PAK3: variants seen among roughly 807,000 people sequenced by gnomAD.
PAK3 encodes the protein p21 (RAC1) activated kinase 3, also known as serine/threonine-protein kinase PAK 3.
In PAK3, 4 loss-of-function variants were observed where a neutral mutation model predicts 41.0. The observed-to-expected ratio is 0.10, with a 90% CI of 0.05 to 0.22. The LOEUF (loss-of-function observed/expected upper bound fraction) is 0.22. PAK3 is among the 10% of genes least tolerant of loss of function. The pLI, the probability that PAK3 is intolerant of heterozygous loss-of-function variation, is 1.00. For missense variants in PAK3, 205 were observed against 409.9 expected, an observed-to-expected ratio of 0.50 and a Z score of 4.32; for synonymous variants, 146 against 139.6, an observed-to-expected ratio of 1.05 and a Z score of -0.32.
intron 1 of PAK3, among the ~76,000 whole-genome samples, chrX:110,999,675 TAA>T (rs777940539): frequency 3.8e-4 from 26 of 68,103 alleles, no homozygotes; most frequent in Admixed American, 5.0e-4. Flanking sequence ...TTTATAAAAG[TAA>T]AAAAAAAAAA....
At chrX:111,076,232 G>A (rs1477109034) in intron 1 of PAK3, among the ~76,000 whole-genome samples, 1 of 111,058 alleles carries the variant, frequency 9.0e-6, no homozygotes, top group Admixed American at 9.5e-5. Flanking sequence ...GAGGGGCCAG[G>A]GGCAGAATTA....
chrX:111,067,389 T>G (rs961670726), intron 1 of PAK3, among the ~76,000 whole-genome samples: 28 of 111,847 alleles, frequency 2.5e-4, no homozygotes, highest in Non-Finnish European at 4.7e-4. Context: ...TTTTCTCATT[T>G]TTTGTGGATG....
At chrX:111,167,316 A>T (rs920108873) in intron 10 of PAK3, among the ~76,000 whole-genome samples, 2 of 110,883 alleles carry the variant, frequency 1.8e-5, no homozygotes, top group Non-Finnish European at 3.8e-5. Flanking sequence ...AAAAAGGGAA[A>T]CAGGCAGGCA....
intron 16 of PAK3, among the ~76,000 whole-genome samples, chrX:111,215,541 A>AG (rs2094870136): frequency 9.0e-6 from 1 of 111,306 alleles, no homozygotes; most frequent in African/African-American, 3.3e-5. Flanking sequence ...TCCGTCTCAA[A>AG]AAAAAAACCT....
Position 111,047,960 on chromosome X carries a change from C to G in PAK3, c.-27-75117C>G, listed in dbSNP as rs765798916. On this transcript the variant is annotated intron_variant, in intron 1 of 14. Coordinates refer to the PAK3 transcript ENST00000425146. ...GGCTGCATACTCTCTTTCTATTTCT[C>G]TACAGCCCTGATAGCACACTGTCTA... 7.2e-5 allele frequency among the ~76,000 whole-genome samples: 8 copies of G among 111,716 alleles called. No individual in the cohort carries two copies. The East Asian group carries it at 2.3e-3, about 32-fold the overall frequency.
chrX:111,172,199 G>A (rs1444738652), intron 10 of PAK3, among the ~76,000 whole-genome samples: 7 of 107,078 alleles, frequency 6.5e-5, no homozygotes, highest in Non-Finnish European at 1.1e-4. Flanking sequence ...GTGTACAAGG[G>A]TTCCAATTGC....
intron 1 of PAK3, among the ~76,000 whole-genome samples, chrX:111,055,360 T>C (rs1195872503): frequency 8.9e-6 from 1 of 112,011 alleles, no homozygotes; most frequent in Non-Finnish European, 1.9e-5. Flanking sequence ...CTGACAAGAC[T>C]AGGTCCACAT....
intron 11 of PAK3, among the ~76,000 whole-genome samples, chrX:111,175,854 GTC>G (rs913334236): frequency 8.1e-5 from 9 of 111,729 alleles, no homozygotes; most frequent in Admixed American, 5.7e-4. Flanking sequence ...CTATCTCTGA[GTC>G]TCTTTGTACA....
At chrX:110,998,954 G>A (rs975344395) in intron 1 of PAK3, among the ~76,000 whole-genome samples, 2 of 111,851 alleles carry the variant, frequency 1.8e-5, no homozygotes, top group South Asian at 7.6e-4. Flanking sequence ...AGGCCCAGAC[G>A]GCTTGTGAAT....
chrX:110,972,065 C>T (rs751128278), intron 1 of PAK3, among the ~76,000 whole-genome samples: 2 of 111,232 alleles, frequency 1.8e-5, no homozygotes, highest in Non-Finnish European at 3.8e-5. Context: ...TGTATATATA[C>T]ACACATATAT....
chrX:111,044,009 T>C (rs2092475122), intron 1 of PAK3, among the ~76,000 whole-genome samples: 1 of 112,341 alleles, frequency 8.9e-6, no homozygotes, highest in African/African-American at 3.2e-5. Flanking sequence ...TTAAATACCT[T>C]GTTAGTAGTT....
chrX:111,083,435 C>T (rs998386503), intron 1 of PAK3, among the ~76,000 whole-genome samples: 3 of 111,936 alleles, frequency 2.7e-5, no homozygotes, highest in African/African-American at 9.8e-5. Context: ...TTTAAAAAGG[C>T]TCCACTTGAG....
At chrX:111,157,819 T>C (rs1439677579) in intron 8 of PAK3, among the ~76,000 whole-genome samples, 1 of 110,704 alleles carries the variant, frequency 9.0e-6, no homozygotes, top group Non-Finnish European at 1.9e-5. Context: ...AAAAAAGAAC[T>C]ACATTCTCTG....
chrX:110,974,841 C>T (rs1383965751), intron 1 of PAK3, among the ~76,000 whole-genome samples: 1 of 111,907 alleles, frequency 8.9e-6, no homozygotes, highest in Admixed American at 9.5e-5. Flanking sequence ...ATCACATAAA[C>T]ATAACCAACA....
chrX:111,183,066 G>A (rs918227529), intron 11 of PAK3, among the ~76,000 whole-genome samples: 3 of 112,009 alleles, frequency 2.7e-5, no homozygotes, highest in African/African-American at 9.7e-5. Context: ...AGGTAAAAAT[G>A]CTAAAGATCT....
At chrX:111,041,070 A>G (rs936409575) in intron 1 of PAK3, among the ~76,000 whole-genome samples, 2 of 112,702 alleles carry the variant, frequency 1.8e-5, no homozygotes, top group Non-Finnish European at 3.7e-5. Context: ...AGCCAATTCA[A>G]CACATACACT....
chrX:111,019,530 CA>C (rs145174631), intron 1 of PAK3, among the ~76,000 whole-genome samples: 4,244 of 74,917 alleles, frequency 0.057, 319 homozygotes, highest in African/African-American at 0.2. Flanking sequence ...ACCATCTTTA[CA>C]AAAAAAAAAA....
At chrX:111,179,139 C>T (rs193118176) in intron 11 of PAK3, among the ~76,000 whole-genome samples, 2 of 108,531 alleles carry the variant, frequency 1.8e-5, no homozygotes, top group Admixed American at 1.0e-4. Context: ...TCATATTTCA[C>T]GAGTGGTATA....
intron 1 of PAK3, among the ~76,000 whole-genome samples, chrX:111,046,807 A>T (rs1197119165): frequency 8.9e-6 from 1 of 112,314 alleles, no homozygotes; most frequent in African/African-American, 3.2e-5. Flanking sequence ...AATAATAGAT[A>T]ACTATGAATA....
Sources: allele counts gnomAD v4.1 joint callset (sites outside exome capture counted in the v4.1 genomes callset), GRCh38; gene constraint gnomAD v4.1.1; transcripts MANE v1.5; gene names NCBI Gene and HGNC (gene_info 2026-07-23, HGNC 2026-07-21).